Variants in NR3C1 observed in about 807,000 individuals in gnomAD.
NR3C1 encodes the protein glucocorticoid receptor.
Under a neutral mutation model 74.0 loss-of-function variants are expected in NR3C1, and 14 were observed. The observed-to-expected ratio is 0.19, with a 90% CI of 0.12 to 0.30. The LOEUF (loss-of-function observed/expected upper bound fraction) is 0.30, where lower values mean the gene tolerates loss of function less well. Among genes scored for constraint, NR3C1 ranks in the 10% least tolerant of loss-of-function variants. The pLI, the probability that NR3C1 is intolerant of heterozygous loss-of-function variation, is 1.00. For missense variants in NR3C1, 695 were observed against 909.8 expected, an observed-to-expected ratio of 0.76 and a Z score of 3.04; for synonymous variants, 308 against 332.5, an observed-to-expected ratio of 0.93 and a Z score of 0.80.
Position 143,400,175 on chromosome 5 carries a change from T to A in NR3C1, c.665A>T (p.Asn222Ile), listed in dbSNP as rs140309412. ...TCCCGCCAGAGGAGAAAGCAAACAG[T>A]TTTCATCTATCAACAGGTCTGATCT... ...PWRSDLLIDE[N>I]CLLSPLAGED... The change falls in exon 2 of 9, where the codon AAC (asparagine) becomes ATC (isoleucine). Residue 222 changes from asparagine to isoleucine, a missense_variant. Physicochemically the swap from Asn to Ile is moderately radical, Grantham distance 149. Coordinates refer to ENST00000394464, the MANE Select transcript of NR3C1 (RefSeq NM_000176.3). 2 of 1,613,782 alleles carry A rather than the reference T, an allele frequency of 1.2e-6. No individual in the cohort carries two copies. The highest frequency in any genetic ancestry group is 2.7e-5 in the African/African-American group (2 of 74,834).
At chr5:143,404,418 C>G (rs1011200590), upstream of NR3C1, 1 of 985,502 alleles carries the variant, frequency 1.0e-6, no homozygotes, top group African/African-American at 1.7e-5. Flanking sequence ...TCCCCCACCA[C>G]CGCATCATCT....
At chr5:143,295,756 T>G (rs1817032686) in intron 6 of NR3C1, among the ~76,000 whole-genome samples, 166 bp from the exon 7 acceptor site, 1 of 152,224 alleles carries the variant, frequency 6.6e-6, no homozygotes, top group African/African-American at 2.4e-5. Flanking sequence ...AGAACTTTCC[T>G]TAAACTTCCT....
At chr5:143,421,530 T>C (rs898969895) in intron 1 of NR3C1, among the ~76,000 whole-genome samples, 1 of 145,748 alleles carries the variant, frequency 6.9e-6, no homozygotes, top group Non-Finnish European at 1.5e-5. Context: ...ACTTAAAACA[T>C]AGCCTGGCAC....
chr5:143,325,977 A>G (rs2151674089), intron 2 of NR3C1, among the ~76,000 whole-genome samples: 1 of 152,378 alleles, frequency 6.6e-6, no homozygotes, highest in Admixed American at 6.5e-5. Flanking sequence ...TATCTCTTTC[A>G]CAATAATAAT....
At chr5:143,366,624 A>T (rs781251131) in intron 2 of NR3C1, among the ~76,000 whole-genome samples, 4 of 152,200 alleles carry the variant, frequency 2.6e-5, no homozygotes, top group Non-Finnish European at 5.9e-5. Context: ...GAAATGAAAG[A>T]GTGAACATTA....
intron 2 of NR3C1, among the ~76,000 whole-genome samples, chr5:143,326,211 T>C (rs1474491047): frequency 6.6e-6 from 1 of 152,240 alleles, no homozygotes; most frequent in Non-Finnish European, 1.5e-5. Context: ...CTTGTGACTG[T>C]TGCCTGGCAG....
chr5:143,301,979 C>G (rs1418464100), intron 4 of NR3C1, among the ~76,000 whole-genome samples: 3 of 151,988 alleles, frequency 2.0e-5, no homozygotes, highest in Admixed American at 1.3e-4. Flanking sequence ...AAAATAGAAA[C>G]AGAATCATGA....
chr5:143,350,331 A>T (rs187415702), intron 2 of NR3C1, among the ~76,000 whole-genome samples: 45 of 152,308 alleles, frequency 3.0e-4, no homozygotes, highest in African/African-American at 1.1e-3. Flanking sequence ...AGTTAAGAAT[A>T]TAAGTAGAAG....
intron 2 of NR3C1, among the ~76,000 whole-genome samples, chr5:143,395,499 A>G (rs1275142624): frequency 1.3e-5 from 2 of 151,916 alleles, no homozygotes; most frequent in South Asian, 2.1e-4. Context: ...AATCTGGCAA[A>G]TACCTGTAAA....
At chr5:143,403,890 C>T (rs1318888700), upstream of NR3C1, 15 of 980,692 alleles carry the variant, frequency 1.5e-5, no homozygotes, top group South Asian at 9.4e-5. Flanking sequence ...ACGCCCGCGT[C>T]CCCTGGCGTG....
At chr5:143,299,228 G>A (rs1240532841) in intron 5 of NR3C1, among the ~76,000 whole-genome samples, 1 of 151,648 alleles carries the variant, frequency 6.6e-6, no homozygotes, top group Non-Finnish European at 1.5e-5. Context: ...TGGCCAGGCT[G>A]GTCTCGAACT....
intron 4 of NR3C1, among the ~76,000 whole-genome samples, chr5:143,305,697 G>A (rs573364959): frequency 3.9e-4 from 60 of 152,060 alleles, no homozygotes; most frequent in Non-Finnish European, 4.0e-4. Context: ...AGTACACATA[G>A]ACATAAAGAT....
intron 6 of NR3C1, 140 bp downstream of exon 6, chr5:143,298,528 T>C: frequency 1.2e-6 from 1 of 852,838 alleles, no homozygotes; most frequent in South Asian, 1.4e-5. Context: ...CTCATAACTC[T>C]ATTTCCAGTT....
At chr5:143,303,448 T>C (rs1818923737) in intron 4 of NR3C1, among the ~76,000 whole-genome samples, 2 of 151,708 alleles carry the variant, frequency 1.3e-5, no homozygotes, top group Non-Finnish European at 2.9e-5. Context: ...AACCTACCAA[T>C]TAAAAAAAGC....
At chr5:143,335,287 ACTCT>A (rs370230452) in intron 2 of NR3C1, among the ~76,000 whole-genome samples, 77 of 151,732 alleles carry the variant, frequency 5.1e-4, no homozygotes, top group African/African-American at 1.8e-3. Flanking sequence ...ACTGAGGAAA[ACTCT>A]CTGTAACCAT....
At chr5:143,295,641 C>G (rs554647392) in intron 6 of NR3C1, 51 bp from the exon 7 acceptor site, 4 of 1,487,204 alleles carry the variant, frequency 2.7e-6, no homozygotes, top group South Asian at 2.3e-5. Context: ...CTACTTCCCC[C>G]CAAAAAGCAC....
intron 2 of NR3C1, among the ~76,000 whole-genome samples, chr5:143,386,596 T>C (rs764587771): frequency 1.3e-5 from 2 of 151,960 alleles, no homozygotes; most frequent in Admixed American, 6.6e-5. Context: ...CAGAGAAATG[T>C]GGAGGATAAG....
At chr5:143,323,424 C>G (rs149497548) in intron 2 of NR3C1, among the ~76,000 whole-genome samples, 2 of 152,144 alleles carry the variant, frequency 1.3e-5, no homozygotes, top group Non-Finnish European at 2.9e-5. Flanking sequence ...TATTCACTAT[C>G]ATGAGAATAG....
intron 2 of NR3C1, among the ~76,000 whole-genome samples, chr5:143,347,850 C>A (rs1386882220): frequency 1.3e-5 from 2 of 152,326 alleles, no homozygotes; most frequent in East Asian, 3.9e-4. Context: ...GTCTAAATTT[C>A]TTCAGTTAGC....
Sources: allele counts gnomAD v4.1 joint callset (sites outside exome capture counted in the v4.1 genomes callset), GRCh38; gene constraint gnomAD v4.1.1; transcripts MANE v1.5; gene names NCBI Gene and HGNC (gene_info 2026-07-23, HGNC 2026-07-21).